SLCO5A1: variants seen among roughly 807,000 people sequenced by gnomAD.
SLCO5A1 encodes solute carrier organic anion transporter family member 5A1.
In SLCO5A1, 39 loss-of-function variants were observed where a neutral mutation model predicts 65.1. The observed-to-expected ratio is 0.60, with a 90% confidence interval of 0.46 to 0.78. The LOEUF is 0.78. Ranked by LOEUF, SLCO5A1 falls within the 30% of genes least tolerant of loss-of-function variation. SLCO5A1 has a pLI of 0.00. For synonymous variants in SLCO5A1, 438 were observed against 415.7 expected, an observed-to-expected ratio of 1.05 and a Z score of -0.65; for missense variants, 1,029 against 1,069.4, an observed-to-expected ratio of 0.96 and a Z score of 0.53.
intron 2 of SLCO5A1, among the ~76,000 whole-genome samples, chr8:69,778,799 C>G (rs1255282727): frequency 6.6e-6 from 1 of 152,112 alleles, no homozygotes; most frequent in Non-Finnish European, 1.5e-5. Flanking sequence ...GCATTTCTTG[C>G]AGGGGCACCT....
intron 2 of SLCO5A1, among the ~76,000 whole-genome samples, chr8:69,830,934 T>C (rs765187139): frequency 4.6e-5 from 7 of 152,226 alleles, no homozygotes; most frequent in African/African-American, 4.8e-5. Context: ...TTCATAAAGG[T>C]AAGCCAGTCA....
At position 69,832,745 on chromosome 8, in the gene SLCO5A1, G is replaced by C. The variant is rs1821229533; in HGVS notation, c.-72C>G. 2.0e-6 allele frequency: 3 copies of C among 1,503,364 alleles called. No individual in the cohort carries two copies. In the South Asian group the frequency reaches 3.9e-5, roughly 20 times the overall value. The allele number at this position is 1,503,364 out of a possible 1,614,324, so 93.1% of individuals were successfully genotyped here. A position where few individuals can be genotyped will look rare whatever the true frequency, so the allele number is the denominator to read the frequency against. ...GGCACGTTTCATCCACCGGCACGAG[G>C]GGCCGAAGCCGGGCCCAGTCAGTCT... On this transcript the variant is annotated 5_prime_UTR_variant, in exon 2 of 10. Coordinates refer to ENST00000260126, the MANE Select transcript of SLCO5A1 (RefSeq NM_030958.3). The surrounding 1 kb of genome is among the most constrained non-coding windows in gnomAD (Gnocchi z 4.5).
intron 2 of SLCO5A1, among the ~76,000 whole-genome samples, chr8:69,796,372 G>C (rs1819502616): frequency 6.6e-6 from 1 of 151,824 alleles, no homozygotes; most frequent in African/African-American, 2.4e-5. Context: ...ACAGCATTTT[G>C]GTAGGCTGAG....
intron 5 of SLCO5A1, among the ~76,000 whole-genome samples, chr8:69,725,776 G>T (rs950757217): frequency 6.6e-6 from 1 of 152,136 alleles, no homozygotes; most frequent in Non-Finnish European, 1.5e-5. Context: ...TTGAACCAAG[G>T]ATAAGATGCA....
At chr8:69,742,095 G>A (rs1411349102) in intron 4 of SLCO5A1, among the ~76,000 whole-genome samples, 2 of 152,036 alleles carry the variant, frequency 1.3e-5, no homozygotes, top group African/African-American at 4.8e-5. Flanking sequence ...GAAGTATTAG[G>A]GACAGTAGAG....
chr8:69,727,510 C>T (rs181029090), intron 5 of SLCO5A1, among the ~76,000 whole-genome samples: 2 of 152,302 alleles, frequency 1.3e-5, no homozygotes, highest in South Asian at 2.1e-4. Context: ...AAAAACTGCT[C>T]TGCCTGCCTC....
chr8:69,718,409 A>T (rs1369466223), intron 5 of SLCO5A1, among the ~76,000 whole-genome samples: 4 of 152,158 alleles, frequency 2.6e-5, no homozygotes, highest in African/African-American at 7.2e-5. Flanking sequence ...TTCCCTGGGC[A>T]TAATCTCCAG....
intron 5 of SLCO5A1, among the ~76,000 whole-genome samples, chr8:69,733,225 T>C (rs1472517988): frequency 6.6e-6 from 1 of 152,198 alleles, no homozygotes; most frequent in Non-Finnish European, 1.5e-5. Context: ...TAAGGTGCTA[T>C]CATCATAAAT....
intron 2 of SLCO5A1, among the ~76,000 whole-genome samples, chr8:69,817,604 G>C (rs1820460487): frequency 6.6e-6 from 1 of 151,892 alleles, no homozygotes; most frequent in Non-Finnish European, 1.5e-5. Context: ...TTGGAATCTG[G>C]GCTTCCTTGC....
chr8:69,684,447 C>A (rs2130791788), intron 6 of SLCO5A1, among the ~76,000 whole-genome samples: 2 of 152,244 alleles, frequency 1.3e-5, no homozygotes, highest in South Asian at 4.1e-4. Flanking sequence ...ACCAAAGCGA[C>A]CTCTAGTTGC....
intron 5 of SLCO5A1, among the ~76,000 whole-genome samples, chr8:69,715,884 G>A (rs1815501951): frequency 6.6e-6 from 1 of 151,958 alleles, no homozygotes; most frequent in African/African-American, 2.4e-5. Flanking sequence ...AATGTTTTTA[G>A]TATATTCACA....
intron 2 of SLCO5A1, among the ~76,000 whole-genome samples, chr8:69,767,548 T>A (rs768166098): frequency 1.3e-5 from 2 of 151,800 alleles, no homozygotes; most frequent in Non-Finnish European, 2.9e-5. Context: ...ATGAAAGGAG[T>A]TAATACCTGT....
At chr8:69,787,606 A>C (rs1423126111) in intron 2 of SLCO5A1, among the ~76,000 whole-genome samples, 2 of 152,260 alleles carry the variant, frequency 1.3e-5, no homozygotes, top group Non-Finnish European at 2.9e-5. Context: ...AAAATCAAGC[A>C]CACTAACATT....
intron 2 of SLCO5A1, among the ~76,000 whole-genome samples, chr8:69,781,380 T>C (rs1019950887): frequency 6.6e-6 from 1 of 152,230 alleles, no homozygotes; most frequent in East Asian, 1.9e-4. Context: ...CTACCCTGTT[T>C]TTTGCATCAA....
At chr8:69,818,466 A>T (rs1315036824) in intron 2 of SLCO5A1, among the ~76,000 whole-genome samples, 1 of 152,206 alleles carries the variant, frequency 6.6e-6, no homozygotes, top group Non-Finnish European at 1.5e-5. Context: ...AGTCTCACAC[A>T]CATTCAGGTT....
At chr8:69,717,637 G>T (rs1423253419) in intron 5 of SLCO5A1, among the ~76,000 whole-genome samples, 3 of 152,204 alleles carry the variant, frequency 2.0e-5, no homozygotes. Context: ...AAAGAAGCCA[G>T]TTGGAATTTT....
At chr8:69,748,215 A>G (rs1817125731) in intron 4 of SLCO5A1, among the ~76,000 whole-genome samples, 1 of 152,228 alleles carries the variant, frequency 6.6e-6, no homozygotes, top group African/African-American at 2.4e-5. Context: ...ACAAGGGGGT[A>G]CACATGGCTG....
chr8:69,722,566 A>T (rs905746687), intron 5 of SLCO5A1, among the ~76,000 whole-genome samples: 2 of 152,224 alleles, frequency 1.3e-5, no homozygotes, highest in Non-Finnish European at 2.9e-5. Flanking sequence ...AGCGAACAAA[A>T]CAAAGACAGG....
intron 5 of SLCO5A1, chr8:69,713,888 G>A (rs1815390790): frequency 6.6e-6 from 1 of 152,192 alleles, no homozygotes; most frequent in South Asian, 2.1e-4. Context: ...CTCTTGCTCA[G>A]AATAAATAAT....
Sources: gnomAD v4.1 joint callset for allele counts (sites outside exome capture counted in the v4.1 genomes callset) on GRCh38, gnomAD v4.1.1 for gene constraint, Gnocchi (gnomAD v3.1) non-coding constraint, MANE v1.5 for transcripts, NCBI Gene and HGNC (gene_info 2026-07-23, HGNC 2026-07-21) for gene names.